Variants in LRBA observed in about 807,000 individuals in gnomAD.
LRBA encodes the protein lipopolysaccharide-responsive and beige-like anchor protein.
LRBA carries 176 observed loss-of-function variants against 330.0 expected under a neutral mutation model. The observed-to-expected ratio is 0.53, with a 90% CI of 0.47 to 0.60. LRBA has a LOEUF of 0.60. LRBA is among the 20% of genes least tolerant of loss of function. The pLI is 0.00. For missense variants in LRBA, 3,259 were observed against 3,444.8 expected, an observed-to-expected ratio of 0.95 and a Z score of 1.35; for synonymous variants, 1,230 against 1,193.0, an observed-to-expected ratio of 1.03 and a Z score of -0.64.
intron 34 of LRBA, among the ~76,000 whole-genome samples, chr4:150,776,856 T>C (rs1737404371): frequency 6.6e-6 from 1 of 152,050 alleles, no homozygotes; most frequent in Non-Finnish European, 1.5e-5. Flanking sequence ...ATATATAGAA[T>C]AGTAGATGAA....
Position 150,373,124 on chromosome 4 carries a change from CGTGTGTGTGTGT to C in LRBA, c.7195-22977_7195-22966del, listed in dbSNP as rs70937397. ...TCAGCAAACAGCTTGACTACAATCT[CGTGTGTGTGTGT>C]GTGTGTGTGTGTGTGTGTGTGTGTG... On this transcript the variant is annotated intron_variant, in intron 47 of 56. Coordinates refer to ENST00000651943, the MANE Select transcript of LRBA (RefSeq NM_001364905.1). 3.3e-3 allele frequency among the ~76,000 whole-genome samples: 315 copies of C among 96,354 alleles called. 1 individual carries two copies. The highest frequency in any genetic ancestry group is 7.5e-3 in the South Asian group (19 of 2,520). 63.2% of individuals were successfully genotyped at this position (96,354 alleles called of 152,430 possible). A position where few individuals can be genotyped will look rare whatever the true frequency, so the allele number is the denominator to read the frequency against.
chr4:150,721,834 C>T (rs572274668), intron 36 of LRBA, among the ~76,000 whole-genome samples: 5 of 152,186 alleles, frequency 3.3e-5, no homozygotes, highest in South Asian at 2.1e-4. Context: ...CCAGGCTGGT[C>T]GCGAACTCCT....
chr4:150,335,491 G>GTA (rs140639293), intron 48 of LRBA, among the ~76,000 whole-genome samples: 78,700 of 143,608 alleles, frequency 0.55, 22,515 homozygotes, highest in Non-Finnish European at 0.65. Flanking sequence ...ATATGTGTGT[G>GTA]TATATATATA....
intron 37 of LRBA, among the ~76,000 whole-genome samples, chr4:150,663,556 A>G (rs1781314384): frequency 6.6e-6 from 1 of 151,936 alleles, no homozygotes. Flanking sequence ...ATGCTGAAAA[A>G]AAAAAAAGAA....
chr4:150,789,346 T>G (rs1234051019), intron 34 of LRBA, among the ~76,000 whole-genome samples: 2 of 152,156 alleles, frequency 1.3e-5, no homozygotes, highest in Non-Finnish European at 2.9e-5. Flanking sequence ...TATTTCTGAA[T>G]TTTCATATTA....
At chr4:150,345,209 T>C (rs1736122798) in intron 48 of LRBA, among the ~76,000 whole-genome samples, 1 of 152,218 alleles carries the variant, frequency 6.6e-6, no homozygotes, top group Non-Finnish European at 1.5e-5. Flanking sequence ...GTTACACTTA[T>C]TTTCCCATTA....
chr4:150,926,941 T>A (rs532504050), intron 4 of LRBA, among the ~76,000 whole-genome samples: 1 of 151,608 alleles, frequency 6.6e-6, no homozygotes, highest in Admixed American at 6.6e-5. Flanking sequence ...CGTGGTGGTG[T>A]GCGCCTGTAA....
chr4:150,434,187 C>T (rs1180309571), intron 46 of LRBA, among the ~76,000 whole-genome samples: 1 of 151,966 alleles, frequency 6.6e-6, no homozygotes, highest in Non-Finnish European at 1.5e-5. Context: ...CTCTATGGAA[C>T]TATAAGGAAC....
At chr4:150,468,417 C>T (rs1755705469) in intron 43 of LRBA, among the ~76,000 whole-genome samples, 2 of 152,026 alleles carry the variant, frequency 1.3e-5, no homozygotes, top group Admixed American at 1.3e-4. Context: ...CTCTTCTATA[C>T]ATCTTTCTAA....
At chr4:150,734,979 T>C (rs141303910) in intron 36 of LRBA, among the ~76,000 whole-genome samples, 55 of 152,266 alleles carry the variant, frequency 3.6e-4, no homozygotes, top group African/African-American at 1.3e-3. Flanking sequence ...AGGAAAACCA[T>C]CAGAGCCAAG....
chr4:150,431,235 C>A (rs1276938530), intron 46 of LRBA, among the ~76,000 whole-genome samples: 1 of 152,198 alleles, frequency 6.6e-6, no homozygotes. Flanking sequence ...TATTATTTAT[C>A]ACAGTGATAA....
intron 47 of LRBA, among the ~76,000 whole-genome samples, chr4:150,391,745 T>C (rs1743969210): frequency 6.6e-6 from 1 of 152,128 alleles, no homozygotes; most frequent in Non-Finnish European, 1.5e-5. Flanking sequence ...TGATACCATG[T>C]GCCAGGTAAT....
At chr4:150,582,995 A>G in intron 40 of LRBA, 1 of 1,539,444 alleles carries the variant, frequency 6.5e-7, no homozygotes, top group Non-Finnish European at 8.7e-7. Flanking sequence ...ACGTATTGCG[A>G]GACGCCGGTG....
rs1784114544 is a variant in LRBA at position 150,691,267 on chromosome 4, AAGGT to A, written c.5755-7554_5755-7551del. Reference sequence around the variant, plus strand: ...TTTAAAAGAACCATTTATAAAATAAAAGGTAAGCCACAAATTGTGAAAAAAAATT... The same window carrying A: ...TTTAAAAGAACCATTTATAAAATAAAAAGCCACAAATTGTGAAAAAAAATT... On this transcript the variant is annotated intron_variant, in intron 36 of 56. Coordinates refer to ENST00000651943, the MANE Select transcript of LRBA (RefSeq NM_001364905.1). Among the ~76,000 whole-genome samples, 4 of 152,280 alleles carry A rather than the reference AAGGT, an allele frequency of 2.6e-5. No homozygotes were observed. The South Asian group carries it at 8.3e-4, about 32-fold the overall frequency.
chr4:150,894,979 C>T (rs923007629), intron 16 of LRBA, among the ~76,000 whole-genome samples: 1 of 152,008 alleles, frequency 6.6e-6, no homozygotes, highest in African/African-American at 2.4e-5. Context: ...AAATTTAAGC[C>T]ATTCTTTTAT....
At chr4:150,753,781 G>A (rs1733880797) in intron 35 of LRBA, among the ~76,000 whole-genome samples, 2 of 152,012 alleles carry the variant, frequency 1.3e-5, no homozygotes, top group Admixed American at 1.3e-4. Flanking sequence ...TTAAAAAGTA[G>A]CCACAGACCA....
chr4:150,434,398 T>G (rs1375142119), intron 46 of LRBA, among the ~76,000 whole-genome samples: 1 of 152,226 alleles, frequency 6.6e-6, no homozygotes, highest in Non-Finnish European at 1.5e-5. Flanking sequence ...TGTTTTTGCT[T>G]TATTAATAAT....
chr4:150,657,748 T>G (rs1047146180), intron 37 of LRBA, among the ~76,000 whole-genome samples: 5 of 152,272 alleles, frequency 3.3e-5, no homozygotes, highest in African/African-American at 1.2e-4. Context: ...TTTTTTAACT[T>G]AATAGTAATA....
intron 48 of LRBA, among the ~76,000 whole-genome samples, chr4:150,342,922 C>A (rs961202702): frequency 2.0e-5 from 3 of 151,950 alleles, no homozygotes; most frequent in African/African-American, 7.3e-5. Context: ...TATCCTTGTA[C>A]CATGATTGTG....
Sources: allele counts gnomAD v4.1 joint callset (sites outside exome capture counted in the v4.1 genomes callset), GRCh38; gene constraint gnomAD v4.1.1; transcripts MANE v1.5; gene names NCBI Gene and HGNC (gene_info 2026-07-23, HGNC 2026-07-21).